LRRK1: variants seen among roughly 807,000 people sequenced by gnomAD.
LRRK1 encodes leucine-rich repeat serine/threonine-protein kinase 1.
LRRK1 carries 113 observed loss-of-function variants against 209.1 expected under a neutral mutation model. The ratio of observed to expected loss-of-function variants is 0.54; its 90% confidence interval spans 0.46 to 0.63. LRRK1 has a LOEUF of 0.63. Ranked by LOEUF, LRRK1 falls within the 30% of genes least tolerant of loss-of-function variation. The probability of loss-of-function intolerance (pLI) is 0.00; values close to 1 mark genes in which losing one functional copy is unlikely to be tolerated. For missense variants in LRRK1, 2,284 were observed against 2,632.2 expected (o/e 0.87, Z 2.89); for synonymous variants, 1,144 against 1,099.7 (o/e 1.04, Z -0.80).
chr15:101,018,683 C>T (rs2033651697), intron 12 of LRRK1, among the ~76,000 whole-genome samples: 1 of 152,198 alleles, frequency 6.6e-6, no homozygotes, highest in Non-Finnish European at 1.5e-5. Flanking sequence ...AGCTGGCAGC[C>T]CGCAGAAGTA....
At chr15:100,998,985 T>C (rs1366187318) in intron 6 of LRRK1, among the ~76,000 whole-genome samples, 1 of 152,240 alleles carries the variant, frequency 6.6e-6, no homozygotes, top group African/African-American at 2.4e-5. Flanking sequence ...GCCTCATAGC[T>C]TTAAAAAAGT....
chr15:100,950,243 A>G (rs964515468), intron 2 of LRRK1, among the ~76,000 whole-genome samples: 2 of 151,502 alleles, frequency 1.3e-5, no homozygotes, highest in African/African-American at 4.9e-5. Context: ...CACATTTACA[A>G]TAGTATCCAA....
intron 2 of LRRK1, among the ~76,000 whole-genome samples, chr15:100,947,005 C>G (rs970851213): frequency 1.3e-5 from 2 of 151,988 alleles, no homozygotes; most frequent in African/African-American, 4.8e-5. Flanking sequence ...GAGTCCTGCT[C>G]TGTCACCAGG....
At position 101,075,224 on chromosome 15, in the gene LRRK1, A is replaced by C. The variant is rs1375788448; in HGVS notation, c.*6376A>C. On this transcript the variant is annotated 3_prime_UTR_variant, in exon 34 of 34. Transcript: ENST00000388948. ...GCTTCTAAACCTCTTAAAACTCCCC[A>C]ACTCTGGTGCCAACTTAGACAATAC... 1 of 36,182 alleles carries C rather than the reference A, an allele frequency of 2.8e-5. No homozygotes were observed. Among genetic ancestry groups the C allele is most frequent in the Non-Finnish European group, 5.4e-5 (1 of 18,450 alleles). 2.2% of individuals were successfully genotyped at this position (36,182 alleles called of 1,614,324 possible). A position where few individuals can be genotyped will look rare whatever the true frequency, so the allele number is the denominator to read the frequency against.
rs1411471194 is a variant in LRRK1, at chr15:101,076,027, C to T, written c.*7179C>T. 6.6e-6 allele frequency: 1 copy of T among 152,202 alleles called. No homozygotes were observed. Among genetic ancestry groups the T allele is most frequent in the Non-Finnish European group, 1.5e-5 (1 of 68,044 alleles). The allele number at this position is 152,202 out of a possible 1,614,324, so 9.4% of individuals were successfully genotyped here. A position where few individuals can be genotyped will look rare whatever the true frequency, so the allele number is the denominator to read the frequency against. On this transcript the variant is annotated 3_prime_UTR_variant, in exon 34 of 34. Coordinates refer to ENST00000388948, the MANE Select transcript of LRRK1 (RefSeq NM_024652.6). ...TCCCTGCCGATCATGTCCGATTAAT[C>T]TCCCAAACCCCAACCCCTTCTACAA...
At chr15:101,052,407 G>A (rs1472304371) in intron 24 of LRRK1, among the ~76,000 whole-genome samples, 2 of 104,598 alleles carry the variant, frequency 1.9e-5, no homozygotes, top group African/African-American at 8.9e-5. Flanking sequence ...GTCAAACGCT[G>A]ACTCCTGTCT....
At chr15:100,962,825 T>TATATATATA (rs2030161319) in intron 2 of LRRK1, among the ~76,000 whole-genome samples, 1 of 9,986 alleles carries the variant, frequency 1.0e-4, no homozygotes, top group East Asian at 2.6e-3. Context: ...ATATATATAT[T>TATATATATA]TTTTTTTTTT....
chr15:101,025,062 G>T, intron 16 of LRRK1, 95 bp downstream of exon 16: 1 of 1,284,278 alleles, frequency 7.8e-7, no homozygotes. Context: ...GAGAAAAAAA[G>T]GGGGTTATGT....
intron 11 of LRRK1, among the ~76,000 whole-genome samples, chr15:101,014,647 C>T (rs2033442565): frequency 6.6e-6 from 1 of 152,204 alleles, no homozygotes; most frequent in Admixed American, 6.5e-5. Context: ...CTCTCCTTAG[C>T]TTGCAGATGC....
chr15:101,039,444 T>A (rs954907697), intron 20 of LRRK1, among the ~76,000 whole-genome samples: 2 of 152,240 alleles, frequency 1.3e-5, no homozygotes, highest in Non-Finnish European at 2.9e-5. Flanking sequence ...TTTTAAATAT[T>A]TACCTTATAT....
At chr15:101,011,198 A>G (rs1009352610) in intron 9 of LRRK1, among the ~76,000 whole-genome samples, 2 of 152,006 alleles carry the variant, frequency 1.3e-5, no homozygotes, top group African/African-American at 2.4e-5. Flanking sequence ...GCCGGGCGCT[A>G]TGGCTCATGC....
At chr15:101,017,146 AC>A (rs1453371319) in intron 12 of LRRK1, among the ~76,000 whole-genome samples, 3 of 152,224 alleles carry the variant, frequency 2.0e-5, no homozygotes, top group Admixed American at 1.3e-4. Flanking sequence ...GTTGTTTTAA[AC>A]ATAATACAAC....
At chr15:101,041,816 A>T (rs755406481) in intron 20 of LRRK1, among the ~76,000 whole-genome samples, 1 of 152,218 alleles carries the variant, frequency 6.6e-6, no homozygotes, top group Non-Finnish European at 1.5e-5. Context: ...CATACCTATG[A>T]TGAAGTTTAA....
Position 100,980,701 on chromosome 15 carries a change from TAA to T in LRRK1, c.262-2818_262-2817del, listed in dbSNP as rs10716196. ...CTCTGATTATTTCAAAGCAAAAAGT[TAA>T]AAAAAAAATAGGTAAAGTATAATTC... On this transcript the variant is annotated intron_variant, in intron 3 of 33. Transcript: ENST00000388948. 9.8e-4 allele frequency among the ~76,000 whole-genome samples: 149 copies of T among 151,864 alleles called. 1 individual carries two copies. Among genetic ancestry groups the T allele is most frequent in the Non-Finnish European group, 6.8e-4 (46 of 67,918 alleles).
In LRRK1 at chr15:101,027,936, C is replaced by G. The variant is rs950784845; in HGVS notation, c.2686+139C>G. On this transcript the variant is annotated intron_variant, in intron 19 of 33. Coordinates refer to ENST00000388948, the MANE Select transcript of LRRK1 (RefSeq NM_024652.6). This position sits in a 1 kb window ranked among gnomAD's most constrained non-coding sequence, Gnocchi z 5.1. ...TCTGCCTTCCATCCCCCTCCCCTTCCTTCTTCCCTCTCACCCTTCTTTCCT... is the reference window on the plus strand; with the variant it reads ...TCTGCCTTCCATCCCCCTCCCCTTCGTTCTTCCCTCTCACCCTTCTTTCCT... The G allele has an allele frequency of 1.2e-5, 9 of 730,600 alleles. No homozygotes were observed. Among genetic ancestry groups the G allele is most frequent in the African/African-American group, 1.8e-5 (1 of 56,014 alleles). 45.3% of individuals were successfully genotyped at this position (730,600 alleles called of 1,614,324 possible).
chr15:101,001,846 G>T (rs1185560052), intron 6 of LRRK1, among the ~76,000 whole-genome samples: 13 of 152,174 alleles, frequency 8.5e-5, no homozygotes, highest in Admixed American at 5.9e-4. Flanking sequence ...CAACTGACAG[G>T]AACAAGGAGC....
At chr15:101,011,494 C>CATCAATCT (rs1419284204) in intron 9 of LRRK1, among the ~76,000 whole-genome samples, 1 of 145,012 alleles carries the variant, frequency 6.9e-6, no homozygotes, top group Non-Finnish European at 1.5e-5. Context: ...AAAAAAAAAG[C>CATCAATCT]ATCAATCTGC....
intron 23 of LRRK1, 74 bp from the exon 24 acceptor site, chr15:101,051,637 G>T: frequency 1.3e-6 from 2 of 1,523,798 alleles, no homozygotes; most frequent in Middle Eastern, 1.8e-4. Context: ...AGGGCCTGGG[G>T]TGCAGAGTGC....
At chr15:100,929,961 C>A (rs554272933) in intron 2 of LRRK1, among the ~76,000 whole-genome samples, 1 of 152,362 alleles carries the variant, frequency 6.6e-6, no homozygotes, top group South Asian at 2.1e-4. Flanking sequence ...GCTTACAAAG[C>A]AGAGGCCAGC....
Sources: gnomAD v4.1 joint callset for allele counts (sites outside exome capture counted in the v4.1 genomes callset) on GRCh38, gnomAD v4.1.1 for gene constraint, Gnocchi (gnomAD v3.1) non-coding constraint, MANE v1.5 for transcripts, NCBI Gene and HGNC (gene_info 2026-07-23, HGNC 2026-07-21) for gene names.